The following RBFOX1 variants were observed in gnomAD, a reference collection of about 807,000 sequenced individuals.
RBFOX1 encodes RNA binding protein fox-1 homolog 1.
RBFOX1 carries 8 observed loss-of-function variants against 57.7 expected under a neutral mutation model. The ratio of observed to expected loss-of-function variants is 0.14; its 90% confidence interval spans 0.08 to 0.25. RBFOX1 has a LOEUF of 0.25. Among genes scored for constraint, RBFOX1 ranks in the 10% least tolerant of loss-of-function variants. RBFOX1 has a pLI of 1.00. For missense variants in RBFOX1, 611 were observed against 548.5 expected, an observed-to-expected ratio of 1.11 and a Z score of -1.14; for synonymous variants, 326 against 222.4, an observed-to-expected ratio of 1.47 and a Z score of -4.15.
chr16:7,171,214 G>C (rs953880788), intron 4 of RBFOX1, among the ~76,000 whole-genome samples: 6 of 152,266 alleles, frequency 3.9e-5, no homozygotes, highest in Admixed American at 3.9e-4. Flanking sequence ...CTAACTCCCA[G>C]GTCTAACCCT....
chr16:7,401,865 T>C (rs1488258469), intron 4 of RBFOX1, among the ~76,000 whole-genome samples: 1 of 152,164 alleles, frequency 6.6e-6, no homozygotes, highest in Non-Finnish European at 1.5e-5. Flanking sequence ...GGAAACTTGA[T>C]TGTCCTTTAA....
intron 2 of RBFOX1, among the ~76,000 whole-genome samples, chr16:6,370,053 A>AT (rs1567137720): frequency 1.3e-5 from 2 of 152,044 alleles, no homozygotes; most frequent in Admixed American, 1.3e-4. Flanking sequence ...TGATCTTGAC[A>AT]TTTTTTTAAG....
At chr16:7,651,512 C>T (rs1295999134) in intron 11 of RBFOX1, among the ~76,000 whole-genome samples, 1 of 152,178 alleles carries the variant, frequency 6.6e-6, no homozygotes, top group African/African-American at 2.4e-5. Context: ...TTGCCTTTTG[C>T]TCCTTCTGCA....
At chr16:7,539,646 G>A (rs951066256) in intron 5 of RBFOX1, among the ~76,000 whole-genome samples, 3 of 152,160 alleles carry the variant, frequency 2.0e-5, no homozygotes, top group Non-Finnish European at 2.9e-5. Context: ...CCAGATAAAT[G>A]AAATGCAGGA....
At chr16:6,803,045 C>T (rs1479673400) in intron 3 of RBFOX1, among the ~76,000 whole-genome samples, 4 of 152,130 alleles carry the variant, frequency 2.6e-5, no homozygotes, top group African/African-American at 9.7e-5. Context: ...TACTCATTTC[C>T]ATTGAACTCA....
intron 1 of RBFOX1, among the ~76,000 whole-genome samples, chr16:6,185,423 A>G (rs2097098933): frequency 6.6e-6 from 1 of 152,200 alleles, no homozygotes; most frequent in Non-Finnish European, 1.5e-5. Flanking sequence ...TCTCCATTTT[A>G]CAATGAAGAA....
intron 1 of RBFOX1, chr16:5,365,755 C>G: frequency 4.3e-6 from 2 of 468,864 alleles, no homozygotes; most frequent in Middle Eastern, 7.5e-4. Flanking sequence ...TCATTTATCT[C>G]TGTCCGCCTT....
At chr16:6,869,604 C>G (rs564038045) in intron 3 of RBFOX1, among the ~76,000 whole-genome samples, 62 of 152,056 alleles carry the variant, frequency 4.1e-4, no homozygotes, top group African/African-American at 1.4e-3. Context: ...AAAGAAAGAA[C>G]AGGAAAAATA....
rs186446661 is a variant in RBFOX1, at chr16:7,459,031, T to C, written c.28-59116T>C. Among the ~76,000 whole-genome samples, 3 of 152,246 alleles carry C rather than the reference T, an allele frequency of 2.0e-5. No homozygotes were observed. In the East Asian group the frequency reaches 5.8e-4, roughly 29 times the overall value. On this transcript the variant is annotated intron_variant, in intron 4 of 15. Transcript: ENST00000550418. ...ACCTATGAATGGATGGGTGAATGGA[T>C]GGATGAATGATGGATGGATGGATGA...
intron 4 of RBFOX1, among the ~76,000 whole-genome samples, chr16:7,503,063 A>G (rs997751124): frequency 3.3e-5 from 5 of 152,140 alleles, no homozygotes; most frequent in Non-Finnish European, 1.5e-5. Context: ...TCCATGTCCA[A>G]GATTATGGCG....
intron 3 of RBFOX1, among the ~76,000 whole-genome samples, chr16:6,711,095 G>C (rs1415870602): frequency 6.6e-6 from 1 of 152,178 alleles, no homozygotes; most frequent in South Asian, 2.1e-4. Flanking sequence ...TGACACTTCT[G>C]TTTCTCAAAT....
intron 1 of RBFOX1, among the ~76,000 whole-genome samples, chr16:5,441,849 A>T (rs1420618685): frequency 1.3e-5 from 2 of 152,172 alleles, no homozygotes; most frequent in Non-Finnish European, 2.9e-5. Context: ...CTCACTCACT[A>T]TCACGAAAAA....
chr16:5,851,573 C>T (rs2056898408), intron 3 of RBFOX1, among the ~76,000 whole-genome samples: 1 of 152,144 alleles, frequency 6.6e-6, no homozygotes, highest in South Asian at 2.1e-4. Context: ...AGGCCCAGCC[C>T]AGCTGAAGCA....
intron 1 of RBFOX1, among the ~76,000 whole-genome samples, chr16:5,464,792 A>G (rs2068902407): frequency 6.6e-6 from 1 of 152,122 alleles, no homozygotes; most frequent in Non-Finnish European, 1.5e-5. Flanking sequence ...GAGGCAATAG[A>G]GAAGGAGGGC....
chr16:6,549,820 T>C (rs1317080490), intron 2 of RBFOX1, among the ~76,000 whole-genome samples: 1 of 151,990 alleles, frequency 6.6e-6, no homozygotes, highest in African/African-American at 2.4e-5. Flanking sequence ...AGTAAAAGAT[T>C]TTAGGTCGAT....
chr16:6,626,970 T>C (rs115365980), intron 2 of RBFOX1, among the ~76,000 whole-genome samples: 1,996 of 152,286 alleles, frequency 0.013, 57 homozygotes, highest in African/African-American at 0.045. Flanking sequence ...TTATCCTCCA[T>C]GCACAGTTTA....
At chr16:6,276,434 A>G (rs2075810009) in intron 1 of RBFOX1, among the ~76,000 whole-genome samples, 1 of 152,218 alleles carries the variant, frequency 6.6e-6, no homozygotes, top group African/African-American at 2.4e-5. Flanking sequence ...TCCTGGGTTC[A>G]TTCAAGTGGT....
At chr16:6,365,737 C>G (rs1403422058) in intron 2 of RBFOX1, among the ~76,000 whole-genome samples, 1 of 152,132 alleles carries the variant, frequency 6.6e-6, no homozygotes, top group African/African-American at 2.4e-5. Flanking sequence ...GCACCATGTG[C>G]TTTTTAGCTT....
In RBFOX1 at chr16:6,853,907, A is replaced by G. The variant is rs1016451869; in HGVS notation, c.-15-198150A>G. 6.6e-5 allele frequency among the ~76,000 whole-genome samples: 10 copies of G among 152,154 alleles called. No individual in the cohort carries two copies. In the South Asian group the frequency reaches 8.3e-4, roughly 13 times the overall value. On this transcript the variant is annotated intron_variant, in intron 3 of 15. Transcript: ENST00000550418. Reference sequence around the variant, plus strand: ...GGCCAGGATCTATATGATTTATGCAAATAATTAGCTCTTCCTGGGTAGTAG... The same window carrying G: ...GGCCAGGATCTATATGATTTATGCAGATAATTAGCTCTTCCTGGGTAGTAG...
Sources: gnomAD v4.1 joint callset for allele counts (sites outside exome capture counted in the v4.1 genomes callset) on GRCh38, gnomAD v4.1.1 for gene constraint, MANE v1.5 for transcripts, NCBI Gene and HGNC (gene_info 2026-07-23, HGNC 2026-07-21) for gene names.